The following KATNIP variants were observed in gnomAD, a reference collection of about 807,000 sequenced individuals.
KATNIP encodes katanin-interacting protein.
Under a neutral mutation model 174.0 loss-of-function variants are expected in KATNIP, and 126 were observed. The ratio of observed to expected loss-of-function variants is 0.72; its 90% CI spans 0.63 to 0.84. The LOEUF is 0.84. Ranked by LOEUF, KATNIP falls within the 40% of genes least tolerant of loss-of-function variation. The pLI is 0.00. For synonymous variants in KATNIP, 810 were observed against 835.7 expected, an observed-to-expected ratio of 0.97 and a Z score of 0.53; for missense variants, 1,958 against 2,109.7, an observed-to-expected ratio of 0.93 and a Z score of 1.41.
intron 2 of KATNIP, among the ~76,000 whole-genome samples, chr16:27,594,591 G>A (rs2075280678): frequency 6.6e-6 from 1 of 151,952 alleles, no homozygotes; most frequent in Non-Finnish European, 1.5e-5. Flanking sequence ...CAGAGACACT[G>A]GAGTTCAATA....
intron 6 of KATNIP, among the ~76,000 whole-genome samples, chr16:27,664,070 C>A (rs905105404): frequency 2.0e-5 from 3 of 152,128 alleles, no homozygotes; most frequent in Admixed American, 2.0e-4. Flanking sequence ...CCTCGCCCTC[C>A]CAAAGTGCTG....
intron 2 of KATNIP, among the ~76,000 whole-genome samples, chr16:27,607,759 A>G (rs1204914278): frequency 6.6e-6 from 1 of 152,078 alleles, no homozygotes; most frequent in Non-Finnish European, 1.5e-5. Flanking sequence ...GGCGCTAACC[A>G]TCATGTCCGG....
intron 6 of KATNIP, among the ~76,000 whole-genome samples, chr16:27,661,947 T>TACACATAC (rs2077502693): frequency 1.5e-5 from 1 of 65,272 alleles, no homozygotes; most frequent in African/African-American, 6.9e-5. Context: ...TATATATATA[T>TACACATAC]ATATATATAC....
chr16:27,629,643 G>A (rs1295681914), intron 4 of KATNIP, among the ~76,000 whole-genome samples: 1 of 152,220 alleles, frequency 6.6e-6, no homozygotes, highest in Non-Finnish European at 1.5e-5. Context: ...TTGAATGAAT[G>A]AAACAGCAGA....
At chr16:27,739,923 A>C (rs2081036792) in intron 14 of KATNIP, 118 bp from the exon 15 acceptor site, 7 of 1,158,874 alleles carry the variant, frequency 6.0e-6, no homozygotes, top group Non-Finnish European at 7.3e-6. Context: ...GGTTTTCAAA[A>C]GCTTGCATTT....
chr16:27,576,261 G>A (rs552534057), intron 2 of KATNIP, among the ~76,000 whole-genome samples: 5 of 152,094 alleles, frequency 3.3e-5, no homozygotes, highest in East Asian at 1.9e-4. Context: ...CCCATCGCCC[G>A]AGAGCATTTC....
In KATNIP at chr16:27,574,038, CCTAAATATA is replaced by C; in HGVS notation, c.63+85_63+93del. The C allele has an allele frequency of 2.5e-6, 3 of 1,210,120 alleles. No homozygotes were observed. The South Asian group carries it at 3.7e-5, about 15-fold the overall frequency. The allele number at this position is 1,210,120 out of a possible 1,614,324, so 75.0% of individuals were successfully genotyped here. On this transcript the variant is annotated intron_variant, in intron 2 of 27. Transcript: ENST00000261588. ...GGGAGCAGGGTGGCGAATAAGTGTCCCTAAATATACTCTTTTCTCTTGGGGTCCCAAGCT... is the reference window on the plus strand; with the variant it reads ...GGGAGCAGGGTGGCGAATAAGTGTCCCTCTTTTCTCTTGGGGTCCCAAGCT...
At chr16:27,698,055 G>A (rs2078975845) in intron 8 of KATNIP, among the ~76,000 whole-genome samples, 1 of 152,154 alleles carries the variant, frequency 6.6e-6, no homozygotes, top group Non-Finnish European at 1.5e-5. Context: ...GCCATAGACT[G>A]TATTTGAATT....
At chr16:27,625,076 C>G (rs961322604) in intron 3 of KATNIP, among the ~76,000 whole-genome samples, 9 of 152,134 alleles carry the variant, frequency 5.9e-5, no homozygotes, top group Non-Finnish European at 1.2e-4. Flanking sequence ...TTATCTGAGT[C>G]CCCTCTGCCC....
At chr16:27,768,318 A>T (rs990234589) in intron 20 of KATNIP, among the ~76,000 whole-genome samples, 4 of 152,144 alleles carry the variant, frequency 2.6e-5, no homozygotes, top group African/African-American at 9.7e-5. Context: ...TCCCTATAAG[A>T]TGGAGGTGGT....
chr16:27,676,281 A>G (rs2078111142), intron 6 of KATNIP, among the ~76,000 whole-genome samples: 1 of 152,234 alleles, frequency 6.6e-6, no homozygotes. Context: ...CTAAGATTCT[A>G]CTGCTACATA....
At chr16:27,591,783 A>G (rs1315666855) in intron 2 of KATNIP, among the ~76,000 whole-genome samples, 1 of 152,192 alleles carries the variant, frequency 6.6e-6, no homozygotes, top group Non-Finnish European at 1.5e-5. Flanking sequence ...TTTGGCAGCC[A>G]TACCATAATG....
chr16:27,662,983 T>G (rs1404897435), intron 6 of KATNIP, among the ~76,000 whole-genome samples: 2 of 152,142 alleles, frequency 1.3e-5, no homozygotes, highest in Non-Finnish European at 1.5e-5. Context: ...TATTTAGTCA[T>G]CCATTCATTC....
At chr16:27,623,436 A>G (rs983703873) in intron 3 of KATNIP, among the ~76,000 whole-genome samples, 11 of 152,090 alleles carry the variant, frequency 7.2e-5, no homozygotes, top group Non-Finnish European at 1.6e-4. Flanking sequence ...CATCATCATT[A>G]TCATCATTCA....
At chr16:27,608,283 T>C (rs2075775090) in intron 2 of KATNIP, among the ~76,000 whole-genome samples, 1 of 146,080 alleles carries the variant, frequency 6.8e-6, no homozygotes, top group Non-Finnish European at 1.5e-5. Flanking sequence ...CAGGCTGGAG[T>C]GCACTGGTGC....
chr16:27,765,898 T>C (rs908965633), intron 19 of KATNIP, among the ~76,000 whole-genome samples: 1 of 152,172 alleles, frequency 6.6e-6, no homozygotes, highest in Non-Finnish European at 1.5e-5. Flanking sequence ...TTTTAAGCTA[T>C]TGTAAATAAC....
At chr16:27,765,237 G>A (rs923266869) in intron 19 of KATNIP, among the ~76,000 whole-genome samples, 9 of 152,222 alleles carry the variant, frequency 5.9e-5, no homozygotes, top group African/African-American at 9.7e-5. Context: ...CCAGAGCCAC[G>A]AGGACAAGGG....
At chr16:27,618,228 T>C (rs1419620158) in intron 2 of KATNIP, among the ~76,000 whole-genome samples, 197 bp from the exon 3 acceptor site, 2 of 152,116 alleles carry the variant, frequency 1.3e-5, no homozygotes, top group East Asian at 3.9e-4. Flanking sequence ...ATTAAAGGTG[T>C]GTATGCCTAA....
intron 14 of KATNIP, among the ~76,000 whole-genome samples, chr16:27,726,079 G>A (rs762589565): frequency 3.9e-5 from 6 of 152,214 alleles, no homozygotes; most frequent in Non-Finnish European, 5.9e-5. Flanking sequence ...CAGCATGACC[G>A]CCTGAGCTCT....
Sources: allele counts gnomAD v4.1 joint callset (sites outside exome capture counted in the v4.1 genomes callset), GRCh38; gene constraint gnomAD v4.1.1; transcripts MANE v1.5; gene names NCBI Gene and HGNC (gene_info 2026-07-23, HGNC 2026-07-21).